Variants in ARMC10 observed in about 807,000 individuals in gnomAD.
ARMC10 encodes armadillo repeat-containing protein 10.
A neutral mutation model predicts 30.2 loss-of-function variants in ARMC10; 23 were observed. The ratio of observed to expected loss-of-function variants is 0.76; its 90% CI spans 0.55 to 1.08. The LOEUF is 1.08. Among genes scored for constraint, ARMC10 ranks in the 50% least tolerant of loss-of-function variants. The pLI is 0.00. For synonymous variants in ARMC10, 111 were observed against 164.4 expected (o/e 0.68, Z 2.48); for missense variants, 303 against 413.7 (o/e 0.73, Z 2.32).
At chr7:103,094,410 G>GTA (rs1377673083) in intron 5 of ARMC10, among the ~76,000 whole-genome samples, 1 of 152,166 alleles carries the variant, frequency 6.6e-6, no homozygotes, top group African/African-American at 2.4e-5. Flanking sequence ...TACTCTAACT[G>GTA]TATATATATT....
chr7:103,082,800 T>A lies in ARMC10; in HGVS notation c.245-882T>A, dbSNP rs551785387. ...TGATTTCTGTAAAGAGGATTTTTTTTAAGGTAAAGCCATAAGTTTAAACAT... is the reference window on the plus strand; with the variant it reads ...TGATTTCTGTAAAGAGGATTTTTTTAAAGGTAAAGCCATAAGTTTAAACAT... On this transcript the variant is annotated intron_variant, in intron 2 of 6. Transcript: ENST00000323716. Among the ~76,000 whole-genome samples, 16 of 152,336 alleles carry A rather than the reference T, an allele frequency of 1.1e-4. No individual in the cohort carries two copies. The East Asian group carries it at 2.7e-3, about 26-fold the overall frequency.
chr7:103,079,440 A>G (rs1047739379), intron 2 of ARMC10, among the ~76,000 whole-genome samples: 4 of 152,226 alleles, frequency 2.6e-5, no homozygotes, highest in African/African-American at 9.6e-5. Context: ...TCAAAACCCA[A>G]AAGCAAATAT....
intron 2 of ARMC10, among the ~76,000 whole-genome samples, chr7:103,076,859 AT>A (rs1799907405): frequency 2.0e-5 from 3 of 152,100 alleles, no homozygotes; most frequent in African/African-American, 7.2e-5. Context: ...AAACAAAAAG[AT>A]TTACATTTGT....
chr7:103,081,470 C>T (rs1453646171), intron 2 of ARMC10, among the ~76,000 whole-genome samples: 1 of 152,246 alleles, frequency 6.6e-6, no homozygotes, highest in African/African-American at 2.4e-5. Context: ...CTCCCAGGCT[C>T]AAGCAATTTT....
At position 103,084,711 on chromosome 7, in the gene ARMC10, C is replaced by A. The variant is rs754125223; in HGVS notation, c.393+881C>A. On this transcript the variant is annotated intron_variant, in intron 3 of 6. Transcript: ENST00000323716. ...TCTACCTTTTGGCTTTGCTTATGGCCGCTCAATTTTATGTATTGGTCTTTA... is the reference window on the plus strand; with the variant it reads ...TCTACCTTTTGGCTTTGCTTATGGCAGCTCAATTTTATGTATTGGTCTTTA... Among the ~76,000 whole-genome samples, 5 of 152,268 alleles carry A rather than the reference C, an allele frequency of 3.3e-5. No individual in the cohort carries two copies. In the East Asian group the frequency reaches 9.6e-4, roughly 29 times the overall value.
intron 2 of ARMC10, among the ~76,000 whole-genome samples, chr7:103,078,365 C>T (rs986653570): frequency 6.6e-6 from 1 of 152,214 alleles, no homozygotes; most frequent in African/African-American, 2.4e-5. Context: ...TTCCCCTCCC[C>T]TCCATGCTCT....
chr7:103,081,070 TTAAA>T (rs1224801099), intron 2 of ARMC10, among the ~76,000 whole-genome samples: 1 of 152,208 alleles, frequency 6.6e-6, no homozygotes, highest in Non-Finnish European at 1.5e-5. Flanking sequence ...ACTAGTCACT[TTAAA>T]TATTCTAGGT....
chr7:103,087,820 G>A, intron 4 of ARMC10: 1 of 981,752 alleles, frequency 1.0e-6, no homozygotes, highest in Non-Finnish European at 1.2e-6. Flanking sequence ...AGTGATGAGA[G>A]GCAAGTACTA....
At chr7:103,077,579 A>G (rs1385568009) in intron 2 of ARMC10, among the ~76,000 whole-genome samples, 1 of 152,164 alleles carries the variant, frequency 6.6e-6, no homozygotes, top group East Asian at 1.9e-4. Context: ...GGATTAATTC[A>G]TTCATGAGGA....
In ARMC10 at chr7:103,075,421, C is replaced by A; in HGVS notation, c.139+10C>A. On this transcript the variant is annotated intron_variant, in intron 1 of 6. Coordinates refer to ENST00000323716, the MANE Select transcript of ARMC10 (RefSeq NM_031905.5). Reference sequence around the variant, plus strand: ...TCTTCGAAGTCCGCAGGTGGGACCCCGGGGTTTCCGGCAGGTGGGCGGGGA... The same window carrying A: ...TCTTCGAAGTCCGCAGGTGGGACCCAGGGGTTTCCGGCAGGTGGGCGGGGA... 1 of 1,289,854 alleles carries A rather than the reference C, an allele frequency of 7.8e-7. No individual in the cohort carries two copies. The highest frequency in any genetic ancestry group is 2.8e-5 in the East Asian group (1 of 35,170). The allele number at this position is 1,289,854 out of a possible 1,614,324, so 79.9% of individuals were successfully genotyped here.
At chr7:103,084,369 C>T (rs527938238) in intron 3 of ARMC10, among the ~76,000 whole-genome samples, 4 of 152,302 alleles carry the variant, frequency 2.6e-5, no homozygotes, top group East Asian at 3.9e-4. Context: ...AACAAAATTT[C>T]GTAATTGTTT....
intron 3 of ARMC10, 51 bp from the exon 4 acceptor site, chr7:103,086,579 G>A: frequency 6.5e-7 from 1 of 1,540,496 alleles, no homozygotes; most frequent in Non-Finnish European, 8.7e-7. Flanking sequence ...AGTGAACGGA[G>A]ATGCATACTG....
intron 4 of ARMC10, among the ~76,000 whole-genome samples, chr7:103,090,728 T>A (rs1223815746): frequency 4.3e-5 from 6 of 140,928 alleles, no homozygotes; most frequent in African/African-American, 8.3e-5. Context: ...AACCCATTTC[T>A]AAAAAAAAAA....
At chr7:103,080,630 TATTC>T (rs1800299870) in intron 2 of ARMC10, among the ~76,000 whole-genome samples, 2 of 151,428 alleles carry the variant, frequency 1.3e-5, no homozygotes, top group South Asian at 2.1e-4. Flanking sequence ...ATTTTTTATT[TATTC>T]ATTTATTTTT....
chr7:103,097,001 T>C, intron 5 of ARMC10: 1 of 450,866 alleles, frequency 2.2e-6, no homozygotes, highest in Non-Finnish European at 4.0e-6. Flanking sequence ...TGCAATATTC[T>C]CTCTATCTCC....
intron 5 of ARMC10, among the ~76,000 whole-genome samples, chr7:103,093,833 A>C (rs1257499263): frequency 6.6e-6 from 1 of 152,226 alleles, no homozygotes; most frequent in East Asian, 1.9e-4. Flanking sequence ...TATCTGTCTC[A>C]GACATCGTCT....
Position 103,098,543 on chromosome 7 carries a change from C to T in ARMC10, c.1022C>T (p.Pro341Leu). The change falls in exon 7 of 7, where the codon CCC becomes CTC. Residue 341 changes from proline (P) to leucine (L), a missense_variant. Pro to Leu is a moderately conservative substitution (Grantham distance 98). Transcript: ENST00000323716. Reference protein sequence around the residue: ...EVKEKVVTIIPKI With the variant: ...EVKEKVVTIILKI ...AAGGAAAAGGTTGTAACAATAATAC[C>T]CAAAATCTGATTGGTCATATTTTTC... The T allele has an allele frequency of 6.4e-7, 1 of 1,559,786 alleles. No homozygotes were observed. The highest frequency in any genetic ancestry group is 8.7e-7 in the Non-Finnish European group (1 of 1,154,654).
intron 4 of ARMC10, among the ~76,000 whole-genome samples, chr7:103,091,903 G>A (rs1437753067): frequency 1.3e-5 from 2 of 152,188 alleles, no homozygotes; most frequent in South Asian, 2.1e-4. Flanking sequence ...CAAGATAGCC[G>A]TAATAGTACA....
chr7:103,077,249 G>C (rs2129519414), intron 2 of ARMC10, among the ~76,000 whole-genome samples: 1 of 151,648 alleles, frequency 6.6e-6, no homozygotes, highest in East Asian at 1.9e-4. Flanking sequence ...AAAGGGAGTG[G>C]AAGGGGAAGG....
Sources: allele counts gnomAD v4.1 joint callset (sites outside exome capture counted in the v4.1 genomes callset), GRCh38; gene constraint gnomAD v4.1.1; transcripts MANE v1.5; gene names NCBI Gene and HGNC (gene_info 2026-07-23, HGNC 2026-07-21).